ZNF821: variants seen among roughly 807,000 people sequenced by gnomAD.
ZNF821 encodes the protein zinc finger protein 821.
Under a neutral mutation model 44.3 loss-of-function variants are expected in ZNF821, and 16 were observed. The ratio of observed to expected loss-of-function variants is 0.36; its 90% CI spans 0.24 to 0.55. ZNF821 has a LOEUF of 0.55. Ranked by LOEUF, ZNF821 falls within the 20% of genes least tolerant of loss-of-function variation. ZNF821 has a pLI of 0.86. For missense variants in ZNF821, 436 were observed against 547.6 expected, an observed-to-expected ratio of 0.80 and a Z score of 2.03; for synonymous variants, 204 against 197.6, an observed-to-expected ratio of 1.03 and a Z score of -0.27.
At position 71,879,953 on chromosome 16, in the gene ZNF821, CTGATGCAAGAGCTCTG is replaced by C. The variant is rs771299386; in HGVS notation, c.-23_-8del. 2 of 1,613,220 alleles carry C rather than the reference CTGATGCAAGAGCTCTG, an allele frequency of 1.2e-6. No homozygotes were observed. Among genetic ancestry groups the C allele is most frequent in the African/African-American group, 2.7e-5 (2 of 74,998 alleles). On this transcript the variant is annotated 5_prime_UTR_variant, in exon 3 of 8. Coordinates refer to ENST00000425432, the MANE Select transcript of ZNF821 (RefSeq NM_001201552.2). Reference sequence around the variant, plus strand: ...TCTGTTTCCGACGGGACATGTTTCCCTGATGCAAGAGCTCTGGTCTTTCCCAGTTTCACGACTGGAT... The same window carrying C: ...TCTGTTTCCGACGGGACATGTTTCCCGTCTTTCCCAGTTTCACGACTGGAT...
At chr16:71,893,771 A>AC (rs2036910704) in intron 1 of ZNF821, among the ~76,000 whole-genome samples, 1 of 139,936 alleles carries the variant, frequency 7.1e-6, no homozygotes, top group Non-Finnish European at 1.5e-5. Flanking sequence ...AAAAATCTGC[A>AC]CTTTTTTTTT....
At chr16:71,890,579 T>G (rs2036879865) in intron 1 of ZNF821, 2 of 151,382 alleles carry the variant, frequency 1.3e-5, no homozygotes, top group East Asian at 1.9e-4. Context: ...TAGAGACAGA[T>G]TTTCGCAATG....
At chr16:71,892,349 C>G (rs1046251662) in intron 1 of ZNF821, among the ~76,000 whole-genome samples, 1 of 151,292 alleles carries the variant, frequency 6.6e-6, no homozygotes, top group Non-Finnish European at 1.5e-5. Flanking sequence ...TCACTGCAAG[C>G]TCCGCCTCCC....
intron 7 of ZNF821, among the ~76,000 whole-genome samples, chr16:71,861,294 T>G (rs1275770373): frequency 1.3e-5 from 2 of 152,252 alleles, no homozygotes; most frequent in Non-Finnish European, 2.9e-5. Context: ...GGGGCAGTCC[T>G]GCTGTGGGAA....
chr16:71,894,611 G>A (rs529989392), intron 1 of ZNF821: 38 of 474,770 alleles, frequency 8.0e-5, no homozygotes, highest in African/African-American at 6.9e-4. Flanking sequence ...CTGCAGCAGC[G>A]ACCTTCTGGG....
At chr16:71,882,465 A>G (rs1338225923) in intron 2 of ZNF821, among the ~76,000 whole-genome samples, 2 of 152,204 alleles carry the variant, frequency 1.3e-5, no homozygotes, top group Non-Finnish European at 2.9e-5. Flanking sequence ...CTTCTGAAGG[A>G]AGGCCAAATA....
intron 1 of ZNF821, among the ~76,000 whole-genome samples, chr16:71,892,178 CAAAAA>C (rs560376648): frequency 0.025 from 783 of 31,424 alleles, no homozygotes; most frequent in African/African-American, 0.058. Context: ...AACTCCGTCT[CAAAAA>C]AAAAAAAAAA....
intron 1 of ZNF821, among the ~76,000 whole-genome samples, chr16:71,891,247 A>C (rs1236367726): frequency 6.6e-6 from 1 of 152,214 alleles, no homozygotes; most frequent in Non-Finnish European, 1.5e-5. Flanking sequence ...CATTTACACA[A>C]AAAAAGTACC....
At chr16:71,891,167 C>T (rs1374874637) in intron 1 of ZNF821, among the ~76,000 whole-genome samples, 1 of 152,140 alleles carries the variant, frequency 6.6e-6, no homozygotes, top group African/African-American at 2.4e-5. Flanking sequence ...GCTTGCAGGC[C>T]TGTTATAGAT....
At chr16:71,877,001 T>C (rs1343730798) in intron 3 of ZNF821, among the ~76,000 whole-genome samples, 1 of 152,160 alleles carries the variant, frequency 6.6e-6, no homozygotes, top group East Asian at 1.9e-4. Flanking sequence ...CCTAAACCAC[T>C]CATCTGTGTA....
intron 3 of ZNF821, among the ~76,000 whole-genome samples, chr16:71,872,097 G>A (rs1597163056): frequency 1.3e-5 from 2 of 152,116 alleles, no homozygotes; most frequent in East Asian, 3.9e-4. Flanking sequence ...TCCCAAAGTG[G>A]TGGGATTACA....
At chr16:71,882,981 C>T (rs2142485886) in intron 2 of ZNF821, 1 of 352,612 alleles carries the variant, frequency 2.8e-6, no homozygotes, top group African/African-American at 2.2e-5. Flanking sequence ...GCTGGGAAGA[C>T]AGGTAAACGG....
At chr16:71,880,724 G>T (rs2036333053) in intron 2 of ZNF821, among the ~76,000 whole-genome samples, 1 of 152,170 alleles carries the variant, frequency 6.6e-6, no homozygotes, top group African/African-American at 2.4e-5. Context: ...CAACACCCCA[G>T]TGTGGAATAC....
chr16:71,879,805 C>T, intron 3 of ZNF821, 102 bp downstream of exon 3: 3 of 1,140,764 alleles, frequency 2.6e-6, no homozygotes, highest in South Asian at 3.3e-5. Context: ...TTAAACTTTT[C>T]TTCTTCACAA....
intron 3 of ZNF821, among the ~76,000 whole-genome samples, chr16:71,877,685 G>C (rs2035970738): frequency 6.6e-6 from 1 of 151,974 alleles, no homozygotes; most frequent in South Asian, 2.1e-4. Flanking sequence ...TTGGGAGGCT[G>C]AGGTGGGTAG....
chr16:71,892,178 C>CAAAAAAAAAAAAAAAAAAA (rs560376648), intron 1 of ZNF821, among the ~76,000 whole-genome samples: 3 of 31,938 alleles, frequency 9.4e-5, no homozygotes, highest in Admixed American at 1.4e-3. Context: ...AACTCCGTCT[C>CAAAAAAAAAAAAAAAAAAA]AAAAAAAAAA....
At chr16:71,874,041 C>T (rs1004918346) in intron 3 of ZNF821, among the ~76,000 whole-genome samples, 1 of 151,516 alleles carries the variant, frequency 6.6e-6, no homozygotes, top group African/African-American at 2.4e-5. Flanking sequence ...TCACTGCAAC[C>T]TCCATCTCCC....
intron 7 of ZNF821, among the ~76,000 whole-genome samples, chr16:71,861,393 A>G (rs911148066): frequency 1.3e-5 from 2 of 152,246 alleles, no homozygotes; most frequent in Non-Finnish European, 2.9e-5. Context: ...ATGCAAAGGC[A>G]GACTCTGCAC....
intron 3 of ZNF821, among the ~76,000 whole-genome samples, chr16:71,878,483 T>G (rs889872277): frequency 5.3e-5 from 8 of 152,166 alleles, no homozygotes; most frequent in Non-Finnish European, 8.8e-5. Context: ...GGAAAATGGC[T>G]AATTATCTCA....
Sources: gnomAD v4.1 joint callset for allele counts (sites outside exome capture counted in the v4.1 genomes callset) on GRCh38, gnomAD v4.1.1 for gene constraint, MANE v1.5 for transcripts, NCBI Gene and HGNC (gene_info 2026-07-23, HGNC 2026-07-21) for gene names.